Variants in ITM2A observed in about 807,000 individuals in gnomAD.
ITM2A encodes the protein integral membrane protein 2A.
A neutral mutation model predicts 16.6 loss-of-function variants in ITM2A; 11 were observed. The ratio of observed to expected loss-of-function variants is 0.66; its 90% CI spans 0.42 to 1.10. The LOEUF (loss-of-function observed/expected upper bound fraction) is 1.10. Among genes scored for constraint, ITM2A ranks in the 50% least tolerant of loss-of-function variants. ITM2A has a pLI of 0.00. For missense variants in ITM2A, 243 were observed against 206.8 expected (o/e 1.17, Z -1.07); for synonymous variants, 102 against 71.2 (o/e 1.43, Z -2.18).
intron 4 of ITM2A, 132 bp downstream of exon 4, chrX:79,362,449 A>C (rs1428105818): frequency 2.4e-6 from 1 of 421,348 alleles, no homozygotes; most frequent in African/African-American, 2.5e-5. Context: ...TTTTAGGTTC[A>C]CAACGTTTTT....
chrX:79,363,598 T>A, intron 1 of ITM2A, 44 bp from the exon 2 acceptor site: 4 of 1,031,734 alleles, frequency 3.9e-6, no homozygotes, highest in Non-Finnish European at 5.2e-6. Flanking sequence ...CAGATTGTAC[T>A]TTTAGACACA....
chrX:79,363,151 A>C lies in ITM2A; in HGVS notation c.244-12T>G, dbSNP rs1199326853. 7 of 1,171,497 alleles carry C rather than the reference A, an allele frequency of 6.0e-6. No individual in the cohort carries two copies. Among genetic ancestry groups the C allele is most frequent in the Non-Finnish European group, 6.9e-6 (6 of 863,682 alleles). On this transcript the variant is annotated splice_polypyrimidine_tract_variant and intron_variant, in intron 2 of 5. Coordinates refer to ENST00000373298, the MANE Select transcript of ITM2A (RefSeq NM_004867.5). Reference sequence around the variant, plus strand: ...CGGTAAATGGTGCTCTAAAAGACAAAAAGGGAAAATTACAACCTTCTAATA... The same window carrying C: ...CGGTAAATGGTGCTCTAAAAGACAACAAGGGAAAATTACAACCTTCTAATA...
At chrX:79,364,510 T>C (rs1165365085) in intron 1 of ITM2A, among the ~76,000 whole-genome samples, 1 of 112,393 alleles carries the variant, frequency 8.9e-6, no homozygotes. Flanking sequence ...TGGACTCCAA[T>C]CTTTCTAATC....
chrX:79,364,342 C>T (rs1330149447), intron 1 of ITM2A, among the ~76,000 whole-genome samples: 1 of 111,981 alleles, frequency 8.9e-6, no homozygotes, highest in Non-Finnish European at 1.9e-5. Context: ...GGGTGAAACA[C>T]TTGATTTTGA....
intron 3 of ITM2A, 106 bp from the exon 4 acceptor site, chrX:79,362,797 A>C: frequency 4.4e-6 from 3 of 682,056 alleles, no homozygotes; most frequent in Non-Finnish European, 2.2e-6. Context: ...AAATCAACTA[A>C]TGTGTATTCA....
At chrX:79,364,993 A>C (rs1474917658) in intron 1 of ITM2A, among the ~76,000 whole-genome samples, 1 of 110,690 alleles carries the variant, frequency 9.0e-6, no homozygotes, top group Non-Finnish European at 1.9e-5. Context: ...TTAGCACTAC[A>C]AAGATAGAAC....
chrX:79,365,289 A>T (rs1376278373), intron 1 of ITM2A, among the ~76,000 whole-genome samples: 1 of 111,756 alleles, frequency 8.9e-6, no homozygotes, highest in Admixed American at 9.5e-5. Context: ...TACATCCTAG[A>T]AATAAGGATT....
intron 4 of ITM2A, among the ~76,000 whole-genome samples, chrX:79,362,119 A>G (rs1925439254): frequency 9.0e-6 from 1 of 111,421 alleles, no homozygotes; most frequent in African/African-American, 3.3e-5. Context: ...ATCTTCCATA[A>G]TGGCTGAACT....
rs749417375 is a variant in ITM2A at position 79,367,083 on chromosome X, C to A, written c.111+22G>T. 9.2e-6 allele frequency: 10 copies of A among 1,081,880 alleles called. No homozygotes were observed. In the African/African-American group the frequency reaches 1.3e-4, roughly 14 times the overall value. The allele number at this position is 1,081,880 out of a possible 1,213,427, so 89.2% of individuals were successfully genotyped here. A position where few individuals can be genotyped will look rare whatever the true frequency, so the allele number is the denominator to read the frequency against. On this transcript the variant is annotated intron_variant, in intron 1 of 5. Coordinates refer to ENST00000373298, the MANE Select transcript of ITM2A (RefSeq NM_004867.5). The stretch of plus-strand genomic sequence containing the variant: ...TTCTTTCTTTCGCCCACCCCTCCCC[C>A]ATCCCGCCCTGGGACAGCTACCTTG...
intron 3 of ITM2A, 122 bp downstream of exon 3, chrX:79,362,820 T>A: frequency 1.5e-6 from 1 of 684,628 alleles, no homozygotes; most frequent in Non-Finnish European, 2.2e-6. Context: ...AACAAAAGAA[T>A]GAAAAGGCTT....
chrX:79,362,248 T>C (rs945656766), intron 4 of ITM2A, among the ~76,000 whole-genome samples: 3 of 111,261 alleles, frequency 2.7e-5, no homozygotes, highest in African/African-American at 9.8e-5. Context: ...TGGTATCTCA[T>C]TGTGATTTTG....
chrX:79,361,252 A>T (rs750256773), intron 5 of ITM2A, 75 bp from the exon 6 acceptor site: 1 of 1,125,435 alleles, frequency 8.9e-7, no homozygotes, highest in Admixed American at 2.3e-5. Flanking sequence ...CTTGTTCCCC[A>T]CTTTTTCCTG....
In ITM2A at chrX:79,361,160, T is replaced by C. The variant is rs1426354682; in HGVS notation, c.721A>G (p.Ile241Val). 1.2e-5 allele frequency: 15 copies of C among 1,200,081 alleles called. No homozygotes were observed. Among genetic ancestry groups the C allele is most frequent in the Non-Finnish European group, 1.6e-5 (14 of 888,001 alleles). ...TGTCTAATCTTCCAGCATTTATCAA[T>C]GGCACGTTTGTTGAAACCTGTAAGG... is the stretch of plus-strand genomic sequence containing the variant. The part of the protein sequence containing the change: ...DLLLGFNKRA[I>V]DKCWKIRHFP... The change falls in exon 6 of 6, where the codon ATT becomes GTT. Residue 241 changes from isoleucine to valine, a missense_variant. Coordinates refer to ENST00000373298, the MANE Select transcript of ITM2A (RefSeq NM_004867.5).
chrX:79,366,006 A>G (rs1925563519), intron 1 of ITM2A, among the ~76,000 whole-genome samples: 1 of 112,291 alleles, frequency 8.9e-6, no homozygotes, highest in Admixed American at 9.4e-5. Context: ...CTCCACTTTG[A>G]ACACAGAAGT....
chrX:79,364,233 A>C (rs184410784), intron 1 of ITM2A, among the ~76,000 whole-genome samples: 1 of 112,219 alleles, frequency 8.9e-6, no homozygotes. Context: ...GAGAGATATA[A>C]ATTTAATGTT....
Position 79,361,076 on chromosome X carries a change from T to C in ITM2A, c.*13A>G. ...TGACTTCTTATTACCAAGGACACTC[T>C]ATCTGTTGCCTCTTACTCTTGACAG... On this transcript the variant is annotated 3_prime_UTR_variant, in exon 6 of 6. Transcript: ENST00000373298. 5 of 1,075,772 alleles carry C rather than the reference T, an allele frequency of 4.6e-6. No individual in the cohort carries two copies. The highest frequency in any genetic ancestry group is 6.4e-6 in the Non-Finnish European group (5 of 775,991). 88.7% of individuals were successfully genotyped at this position (1,075,772 alleles called of 1,213,427 possible).
At position 79,362,711 on chromosome X, in the gene ITM2A, A is replaced by T. The variant is rs762006936; in HGVS notation, c.442-20T>A. 6 of 1,082,963 alleles carry T rather than the reference A, an allele frequency of 5.5e-6. No homozygotes were observed. Among genetic ancestry groups the T allele is most frequent in the Middle Eastern group, 2.5e-4 (1 of 4,048 alleles). 89.2% of individuals were successfully genotyped at this position (1,082,963 alleles called of 1,213,427 possible). A position where few individuals can be genotyped will look rare whatever the true frequency, so the allele number is the denominator to read the frequency against. ...CATTCCCTGTTAGGTAGGGGAAAAA[A>T]GTCAGGTAAGACACAGAAGGCATTA... On this transcript the variant is annotated intron_variant, in intron 3 of 5. Coordinates refer to ENST00000373298, the MANE Select transcript of ITM2A (RefSeq NM_004867.5).
At position 79,363,111 on chromosome X, in the gene ITM2A, A is replaced by G. The variant is rs1382576985; in HGVS notation, c.272T>C (p.Phe91Ser). ...ATTTGCAGGATCCTCAGAATCAAAA[A>G]AGCACATCTCTCCACGGTAAATGGT... ...KSTIYRGEMC[F>S]FDSEDPANSL... is the part of the protein sequence containing the mutation. Residue 91 changes from phenylalanine (F) to serine (S), a missense_variant, in exon 3 of 6, where the codon TTT becomes TCT. Phe to Ser is a radical substitution (Grantham distance 155, BLOSUM62 -2). Transcript: ENST00000373298. 1 of 1,208,567 alleles carries G rather than the reference A, an allele frequency of 8.3e-7. No individual in the cohort carries two copies. The highest frequency in any genetic ancestry group is 3.0e-5 in the East Asian group (1 of 33,793).
chrX:79,363,440 T>C lies in ITM2A; in HGVS notation c.226A>G (p.Lys76Glu). ...ATTATTACCTTGGGCATGAAGTACT[T>C]GTAAATGCAGGCTCCACCAACAATA... ...GLIVGGACIY[K>E]YFMPKSTIYR... The change falls in exon 2 of 6, where the codon AAG (lysine) becomes GAG (glutamate). Residue 76 changes from lysine to glutamate, a missense_variant. Coordinates refer to ENST00000373298, the MANE Select transcript of ITM2A (RefSeq NM_004867.5). The C allele has an allele frequency of 8.6e-7, 1 of 1,156,186 alleles. No homozygotes were observed. The highest frequency in any genetic ancestry group is 2.0e-5 in the South Asian group (1 of 48,821).
Sources: gnomAD v4.1 joint callset for allele counts (sites outside exome capture counted in the v4.1 genomes callset) on GRCh38, gnomAD v4.1.1 for gene constraint, MANE v1.5 for transcripts, NCBI Gene and HGNC (gene_info 2026-07-23, HGNC 2026-07-21) for gene names.